OGG1: variants seen among roughly 807,000 people sequenced by gnomAD.
The protein encoded by OGG1 is N-glycosylase/DNA lyase.
OGG1 carries 35 observed loss-of-function variants against 42.3 expected under a neutral mutation model. The ratio of observed to expected loss-of-function variants is 0.83; its 90% confidence interval spans 0.63 to 1.10. The LOEUF is 1.10. Among genes scored for constraint, OGG1 ranks in the 50% least tolerant of loss-of-function variants. The probability of loss-of-function intolerance (pLI) is 0.00; values close to 1 mark genes in which losing one functional copy is unlikely to be tolerated. For missense variants in OGG1, 484 were observed against 446.7 expected (o/e 1.08, Z -0.75); for synonymous variants, 189 against 179.0 (o/e 1.06, Z -0.44).
At chr3:9,788,015 C>T (rs1006033818) in exon 4 of OGG1, 4 of 287,810 alleles carry the variant, frequency 1.4e-5, no homozygotes, top group East Asian at 1.8e-4. Context: ...GGGATATGGC[C>T]GAGGAAAATG....
At chr3:9,790,873 T>C (rs1192451935), downstream of OGG1, among the ~76,000 whole-genome samples, 2 of 152,106 alleles carry the variant, frequency 1.3e-5, no homozygotes, top group Admixed American at 6.6e-5. Context: ...CAAATCCAGG[T>C]TTCCCCATTC....
Position 9,756,483 on chromosome 3 carries a change from A to G in OGG1, c.760A>G (p.Ile254Val). 3 of 1,614,176 alleles carry G rather than the reference A, an allele frequency of 1.9e-6. No homozygotes were observed. The highest frequency in any genetic ancestry group is 2.5e-6 in the Non-Finnish European group (3 of 1,180,026). Residue 254 changes from isoleucine (I) to valine (V), a missense_variant, in exon 5 of 7, where the codon ATC becomes GTC. Transcript: ENST00000344629. ...GTGTCTGTCAAAGGTGGCTGACTGCATCTGCCTGATGGCCCTAGACAAGCC... is the reference window on the plus strand; with the variant it reads ...GTGTCTGTCAAAGGTGGCTGACTGCGTCTGCCTGATGGCCCTAGACAAGCC... Reference protein sequence around the residue: ...PGVGTKVADCICLMALDKPQA... With the variant: ...PGVGTKVADCVCLMALDKPQA...
downstream of OGG1, chr3:9,758,985 A>G: frequency 1.7e-6 from 1 of 584,960 alleles, no homozygotes; most frequent in Admixed American, 2.9e-5. Flanking sequence ...GGGGCTCCTC[A>G]GTGCCCTCAG....
At chr3:9,789,192 A>G (rs1335785217), downstream of OGG1, among the ~76,000 whole-genome samples, 1 of 152,188 alleles carries the variant, frequency 6.6e-6, no homozygotes, top group Non-Finnish European at 1.5e-5. Context: ...CGAAACAGGA[A>G]GAGAGTTAAG....
downstream of OGG1, chr3:9,759,348 T>C (rs1361830527): frequency 6.5e-7 from 1 of 1,548,416 alleles, no homozygotes; most frequent in African/African-American, 1.4e-5. Flanking sequence ...AAAGAGTGAA[T>C]GAATGAAGTC....
intron 4 of OGG1, among the ~76,000 whole-genome samples, chr3:9,756,039 G>A (rs2075747): frequency 0.21 from 31,545 of 152,028 alleles, 3,498 homozygotes; most frequent in East Asian, 0.41. Context: ...TTCATAGGCC[G>A]CGCATGGTGG....
intron 3 of OGG1, among the ~76,000 whole-genome samples, chr3:9,753,958 T>C (rs941565623): frequency 1.1e-4 from 17 of 152,138 alleles, no homozygotes; most frequent in Admixed American, 1.0e-3. Flanking sequence ...GGCAACATAG[T>C]GAGACCTCAT....
At chr3:9,763,057 A>G (rs751682160) in intron 7 of OGG1, 1 of 1,614,162 alleles carries the variant, frequency 6.2e-7, no homozygotes, top group Non-Finnish European at 8.5e-7. Context: ...GACACCCTGC[A>G]GCAGGGGATA....
intron 2 of OGG1, chr3:9,780,654 TGGA>T: frequency 8.2e-7 from 1 of 1,226,810 alleles, no homozygotes. Context: ...GGCATGCCTG[TGGA>T]TTGTGTCATA....
chr3:9,790,412 C>A (rs1042331611), downstream of OGG1, among the ~76,000 whole-genome samples: 1 of 152,160 alleles, frequency 6.6e-6, no homozygotes, highest in Admixed American at 6.5e-5. Context: ...CCTTTTAGGT[C>A]CAGTTGGCAC....
At chr3:9,761,740 G>A (rs2077885576), downstream of OGG1, 1 of 1,614,186 alleles carries the variant, frequency 6.2e-7, no homozygotes, top group Admixed American at 1.7e-5. Flanking sequence ...CCAGGCTGTA[G>A]TACAGCAGAT....
At chr3:9,761,874 TCA>T, downstream of OGG1, 1 of 1,440,768 alleles carries the variant, frequency 6.9e-7, no homozygotes, top group Non-Finnish European at 9.2e-7. Flanking sequence ...CACTGTGGCT[TCA>T]TGGCTGTCAT....
chr3:9,784,251 G>C (rs772243213), intron 3 of OGG1: 1 of 1,582,810 alleles, frequency 6.3e-7, no homozygotes, highest in Admixed American at 1.7e-5. Flanking sequence ...TCAAGAGCCA[G>C]CTTGGAGAAG....
At chr3:9,760,434 G>A, downstream of OGG1, 9 of 495,618 alleles carry the variant, frequency 1.8e-5, no homozygotes, top group South Asian at 1.9e-4. Flanking sequence ...GACTATGTTT[G>A]AAGATTGAAC....
Position 9,754,839 on chromosome 3 carries a change from A to T in OGG1, c.701A>T (p.Glu234Val). ...WLQQLRESSY[E>V]EAHKALCILP... The stretch of plus-strand genomic sequence containing the variant: ...CAGCAGCTACGAGAGTCCTCATATG[A>T]GGAGGCCCACAAGGCCCTCTGCATC... The change falls in exon 4 of 7, where the codon GAG becomes GTG. Residue 234 changes from glutamate (E) to valine (V), a missense_variant. Glu to Val is a moderately radical substitution (Grantham distance 121, BLOSUM62 -2). Transcript: ENST00000344629. The T allele has an allele frequency of 6.2e-7, 1 of 1,610,112 alleles. No homozygotes were observed. The highest frequency in any genetic ancestry group is 8.5e-7 in the Non-Finnish European group (1 of 1,178,232).
At position 9,780,588 on chromosome 3, in the gene OGG1, C is replaced by A; in HGVS notation, c.295-925C>A. 1.9e-6 allele frequency: 3 copies of A among 1,572,388 alleles called. No homozygotes were observed. In the East Asian group the frequency reaches 6.8e-5, roughly 36 times the overall value. ...CCAGCCAGGTGCCAGGGTCAGCCCACCTCCAGAGAACAACCCCTCCCTCTT... is the reference window on the plus strand; with the variant it reads ...CCAGCCAGGTGCCAGGGTCAGCCCAACTCCAGAGAACAACCCCTCCCTCTT... On this transcript the variant is annotated intron_variant, in intron 2 of 3. Coordinates refer to the OGG1 transcript ENST00000426518.
chr3:9,766,148 T>A, exon 8 of OGG1: 1 of 1,019,572 alleles, frequency 9.8e-7, no homozygotes, highest in South Asian at 1.4e-5. Flanking sequence ...ATGAGTCTCC[T>A]GTTGAGCTGG....
At chr3:9,790,493 G>A (rs1245686361), downstream of OGG1, among the ~76,000 whole-genome samples, 1 of 152,276 alleles carries the variant, frequency 6.6e-6, no homozygotes, top group Non-Finnish European at 1.5e-5. Flanking sequence ...TGGTCACACT[G>A]GAATGACCAT....
chr3:9,786,234 C>T (rs1328621183), intron 3 of OGG1, among the ~76,000 whole-genome samples: 1 of 152,102 alleles, frequency 6.6e-6, no homozygotes, highest in African/African-American at 2.4e-5. Context: ...CCACCGCGCC[C>T]GGCCTCCTTG....
Sources: allele counts gnomAD v4.1 joint callset (sites outside exome capture counted in the v4.1 genomes callset), GRCh38; gene constraint gnomAD v4.1.1; transcripts MANE v1.5; gene names NCBI Gene and HGNC (gene_info 2026-07-23, HGNC 2026-07-21).